TBC1D14: variants seen among roughly 807,000 people sequenced by gnomAD.
TBC1D14 encodes TBC1 domain family member 14, also known as TBC1 domain family, member 14.
In TBC1D14, 26 loss-of-function variants were observed where a neutral mutation model predicts 79.0. The observed-to-expected ratio is 0.33, with a 90% confidence interval of 0.24 to 0.46. The LOEUF (loss-of-function observed/expected upper bound fraction) is 0.46. Ranked by LOEUF, TBC1D14 falls within the 20% of genes least tolerant of loss-of-function variation. The probability of loss-of-function intolerance (pLI) is 1.00; values close to 1 mark genes in which losing one functional copy is unlikely to be tolerated. For synonymous variants in TBC1D14, 394 were observed against 349.9 expected (o/e 1.13, Z -1.40); for missense variants, 769 against 887.6 (o/e 0.87, Z 1.70).
chr4:6,968,679 G>T (rs1215894944), intron 3 of TBC1D14, among the ~76,000 whole-genome samples: 1 of 151,988 alleles, frequency 6.6e-6, no homozygotes, highest in African/African-American at 2.4e-5. Flanking sequence ...CCGCCGGGAG[G>T]AGGCTGACCG....
chr4:6,921,535 T>C (rs971643843), intron 1 of TBC1D14, among the ~76,000 whole-genome samples: 2 of 151,870 alleles, frequency 1.3e-5, no homozygotes, highest in African/African-American at 4.8e-5. Context: ...TTTTATTTTT[T>C]TATTTTTTGA....
intron 12 of TBC1D14, among the ~76,000 whole-genome samples, chr4:7,021,571 T>C (rs560975250): frequency 5.3e-5 from 8 of 152,226 alleles, no homozygotes; most frequent in African/African-American, 1.9e-4. Context: ...CACTCTGGCC[T>C]GGGCGACACA....
intron 2 of TBC1D14, among the ~76,000 whole-genome samples, chr4:6,934,483 AC>A (rs1460397565): frequency 1.3e-5 from 2 of 151,908 alleles, no homozygotes; most frequent in African/African-American, 4.8e-5. Flanking sequence ...ACATGGTGAA[AC>A]CCCATCACTA....
intron 12 of TBC1D14, among the ~76,000 whole-genome samples, chr4:7,020,182 A>G (rs1481514573): frequency 7.6e-3 from 913 of 120,792 alleles, no homozygotes; most frequent in Middle Eastern, 0.029. Context: ...TGTGAACCCC[A>G]CTGGGCTCAG....
intron 2 of TBC1D14, among the ~76,000 whole-genome samples, chr4:6,958,709 A>G (rs955623203): frequency 6.6e-6 from 1 of 152,202 alleles, no homozygotes; most frequent in South Asian, 2.1e-4. Context: ...TGCTGGGATT[A>G]TAGGTGTGAG....
intron 3 of TBC1D14, chr4:6,987,399 G>C: frequency 7.3e-7 from 1 of 1,373,764 alleles, no homozygotes; most frequent in Non-Finnish European, 9.5e-7. Flanking sequence ...AGGCCTGCCC[G>C]GTCCCGTGGG....
chr4:6,966,860 A>T (rs990382154), intron 2 of TBC1D14, among the ~76,000 whole-genome samples: 4 of 152,222 alleles, frequency 2.6e-5, no homozygotes, highest in African/African-American at 4.8e-5. Context: ...CCCAGGCTGG[A>T]GTGCAGTGGC....
intron 2 of TBC1D14, chr4:6,954,160 T>G (rs1052279858): frequency 1.6e-6 from 1 of 632,394 alleles, no homozygotes; most frequent in East Asian, 2.8e-5. Flanking sequence ...CTTGCCTTCA[T>G]CTGGCAGACG....
intron 6 of TBC1D14, among the ~76,000 whole-genome samples, chr4:7,000,914 G>T (rs148805049): frequency 5.6e-4 from 85 of 152,294 alleles, no homozygotes; most frequent in African/African-American, 2.0e-3. Flanking sequence ...CCTCTGGTTC[G>T]TGGTGACCTA....
chr4:6,985,702 G>T (rs1717757589), intron 3 of TBC1D14, among the ~76,000 whole-genome samples: 2 of 37,272 alleles, frequency 5.4e-5, no homozygotes, highest in African/African-American at 1.4e-4. Context: ...CACAGGGACA[G>T]TGTCCTAGAT....
intron 12 of TBC1D14, among the ~76,000 whole-genome samples, chr4:7,015,394 C>T (rs1197066651): frequency 6.6e-6 from 1 of 152,124 alleles, no homozygotes; most frequent in Non-Finnish European, 1.5e-5. Flanking sequence ...CTGATGCCTT[C>T]AGCTGAGACC....
At chr4:6,958,374 T>TACACACACACACACACACACAC (rs529020444) in intron 2 of TBC1D14, among the ~76,000 whole-genome samples, 2 of 42,252 alleles carry the variant, frequency 4.7e-5, no homozygotes, top group African/African-American at 2.3e-4. Flanking sequence ...GATCCCCACA[T>TACACACACACACACACACACAC]ATACACACAC....
At chr4:6,951,657 T>C (rs562866220) in intron 2 of TBC1D14, among the ~76,000 whole-genome samples, 1 of 132,438 alleles carries the variant, frequency 7.6e-6, no homozygotes, top group East Asian at 2.2e-4. Flanking sequence ...GTCTGTTTCT[T>C]ATGATTAAAT....
chr4:7,008,490 G>A (rs1009544230), intron 9 of TBC1D14, among the ~76,000 whole-genome samples: 4 of 152,182 alleles, frequency 2.6e-5, no homozygotes, highest in Non-Finnish European at 4.4e-5. Context: ...TCGGCTCACC[G>A]CAGCCTCCGC....
At chr4:6,912,817 A>G (rs1033705938) in intron 1 of TBC1D14, among the ~76,000 whole-genome samples, 2 of 152,160 alleles carry the variant, frequency 1.3e-5, no homozygotes, top group Admixed American at 1.3e-4. Context: ...AGGGTCTCTT[A>G]CTGTCTTCAT....
At chr4:6,993,720 C>T (rs1049537460) in intron 3 of TBC1D14, among the ~76,000 whole-genome samples, 3 of 152,210 alleles carry the variant, frequency 2.0e-5, no homozygotes, top group Non-Finnish European at 2.9e-5. Context: ...AACTCTAAGA[C>T]CCCTTTAGGC....
intron 3 of TBC1D14, among the ~76,000 whole-genome samples, chr4:6,988,215 C>T (rs755242500): frequency 1.3e-5 from 2 of 152,232 alleles, no homozygotes; most frequent in Non-Finnish European, 2.9e-5. Context: ...AGACCAGCCG[C>T]GGTGTTGCGG....
chr4:7,010,526 G>A, intron 10 of TBC1D14, 127 bp from the exon 11 acceptor site: 1 of 1,173,360 alleles, frequency 8.5e-7, no homozygotes, highest in Non-Finnish European at 1.2e-6. Context: ...TGGGTGGCCG[G>A]AGGAGTGGGG....
chr4:6,994,587 G>A (rs186348148), intron 4 of TBC1D14, among the ~76,000 whole-genome samples: 34 of 152,204 alleles, frequency 2.2e-4, no homozygotes, highest in African/African-American at 7.7e-4. Flanking sequence ...AGTGGCTCAC[G>A]CCTGTAATCC....
Sources: gnomAD v4.1 joint callset for allele counts (sites outside exome capture counted in the v4.1 genomes callset) on GRCh38, gnomAD v4.1.1 for gene constraint, MANE v1.5 for transcripts, NCBI Gene and HGNC (gene_info 2026-07-23, HGNC 2026-07-21) for gene names.